MROH2A: variants seen among roughly 807,000 people sequenced by gnomAD.
The protein encoded by MROH2A is maestro heat-like repeat-containing protein family member 2A.
MROH2A carries 174 observed loss-of-function variants against 200.4 expected under a neutral mutation model. The observed-to-expected ratio is 0.87, with a 90% confidence interval of 0.77 to 0.98. The LOEUF (loss-of-function observed/expected upper bound fraction) is 0.98, where lower values mean the gene tolerates loss of function less well. Among genes scored for constraint, MROH2A ranks in the 50% least tolerant of loss-of-function variants. The pLI is 0.00. For synonymous variants in MROH2A, 829 were observed against 840.4 expected (o/e 0.99, Z 0.23); for missense variants, 2,045 against 2,139.6 (o/e 0.96, Z 0.87).
Position 233,814,585 on chromosome 2 carries a change from C to A in MROH2A, c.2764C>A (p.Leu922Met), listed in dbSNP as rs912154606. 1.0e-5 allele frequency: 16 copies of A among 1,549,994 alleles called. No homozygotes were observed. Among genetic ancestry groups the A allele is most frequent in the Admixed American group, 5.9e-5 (3 of 50,964 alleles). The change falls in exon 26 of 42, where the codon CTG becomes ATG. Residue 922 changes from leucine to methionine, a missense_variant. Physicochemically the swap from Leu to Met is conservative, Grantham distance 15. Transcript: ENST00000389758. ...PGEDNESIKT[L>M]YANALSSLEQ... is the part of the protein sequence containing the mutation. ...TCTCTCTCCCTCTTGGCTGTAGACC[C>A]TGTATGCAAATGCCCTGAGCTCCCT...
chr2:233,794,474 C>T lies in MROH2A; in HGVS notation c.934C>T (p.Gln312Ter), dbSNP rs1443307468. The part of the protein sequence containing the change: ...DYIPLLLAEY[Q>*]GSLEVLFVTQ... ...CATCCCCCTGCTGCTGGCGGAGTAC[C>T]AGGGCAGTCTGGAGGTGCTCTTCGT... is the stretch of plus-strand genomic sequence containing the variant. Residue 312 changes from glutamine to a stop codon, truncating the protein, a stop_gained, in exon 8 of 42, where the codon CAG becomes TAG. Transcript: ENST00000389758. LOFTEE classifies it high-confidence loss of function. The T allele has an allele frequency of 4.5e-6, 7 of 1,549,398 alleles. No individual in the cohort carries two copies. The South Asian group carries it at 7.1e-5, about 16-fold the overall frequency.
rs1274815160 is a variant in MROH2A at position 233,831,419 on chromosome 2, C to T, written c.4613C>T (p.Ala1538Val). The change falls in exon 39 of 42, where the codon GCT (alanine) becomes GTT (valine). Residue 1538 changes from alanine to valine, a missense_variant. Ala to Val is a moderately conservative substitution (Grantham distance 64). This residue lies in a region of MROH2A where 1,201 missense variants were observed against 1,311.3 expected (regional missense o/e 0.92). Transcript: ENST00000389758. ...PCSNAAQACM[A>V]TMFQCVHFWG... ...CCTGTGTCCCTGCAGGCCTGTATGGCTACCATGTTTCAGTGTGTGCACTTC... is the reference window on the plus strand; with the variant it reads ...CCTGTGTCCCTGCAGGCCTGTATGGTTACCATGTTTCAGTGTGTGCACTTC... 1.3e-6 allele frequency: 2 copies of T among 1,549,702 alleles called. No individual in the cohort carries two copies. The highest frequency in any genetic ancestry group is 2.7e-5 in the African/African-American group (2 of 73,050).
intron 31 of MROH2A, among the ~76,000 whole-genome samples, chr2:233,821,160 G>A (rs999778626): frequency 6.6e-6 from 1 of 152,218 alleles, no homozygotes; most frequent in African/African-American, 2.4e-5. Flanking sequence ...TCAAGGCATG[G>A]GTTAGCTGGG....
chr2:233,805,065 A>G lies in MROH2A; in HGVS notation c.2006A>G (p.Glu669Gly), dbSNP rs1337818396. The G allele has an allele frequency of 6.5e-7, 1 of 1,550,242 alleles. No individual in the cohort carries two copies. ...AGCTGGAGCCTGCGCTTGAGTAAAG[A>G]GCTGAACAACCAGATTGCGAGCTTT... ...GSSWSLRLSKELNNQIASFDS... is the reference protein window; with the variant it reads ...GSSWSLRLSKGLNNQIASFDS... Residue 669 changes from glutamate to glycine, a missense_variant, in exon 19 of 42, where the codon GAG becomes GGG. Coordinates refer to ENST00000389758, the MANE Select transcript of MROH2A (RefSeq NM_001394639.1).
chr2:233,793,109 G>A (rs376881159), intron 6 of MROH2A, among the ~76,000 whole-genome samples: 8 of 152,180 alleles, frequency 5.3e-5, no homozygotes, highest in East Asian at 1.9e-4. Flanking sequence ...AGAAGATCCC[G>A]GCTTAGAGGG....
rs764984413 is a variant in MROH2A, at chr2:233,799,738, C to A, written c.1330-42C>A. ...TGTCACAGGATTGGGTGCCTTGGAG[C>A]CCACCCCAACCCCCAGCATGTCCAC... On this transcript the variant is annotated intron_variant, in intron 12 of 41. Transcript: ENST00000389758. 4 of 1,548,206 alleles carry A rather than the reference C, an allele frequency of 2.6e-6. No individual in the cohort carries two copies. In the East Asian group the frequency reaches 9.8e-5, roughly 38 times the overall value.
intron 11 of MROH2A, among the ~76,000 whole-genome samples, chr2:233,797,414 G>A (rs1156590452): frequency 6.6e-6 from 1 of 152,178 alleles, no homozygotes; most frequent in African/African-American, 2.4e-5. Context: ...TTTTTCTGTA[G>A]GGAATTTGTG....
intron 3 of MROH2A, 115 bp downstream of exon 3, chr2:233,779,967 A>G: frequency 1.1e-6 from 1 of 885,516 alleles, no homozygotes; most frequent in South Asian, 1.8e-5. Flanking sequence ...TGGGATACAG[A>G]GATGGGCAAG....
intron 14 of MROH2A, 148 bp from the exon 15 acceptor site, chr2:233,802,020 G>A (rs10929305): frequency 0.25 from 207,018 of 839,116 alleles, 30,182 homozygotes; most frequent in African/African-American, 0.51. Flanking sequence ...TGGATTTGGC[G>A]GTGGAGCCAG....
In MROH2A at chr2:233,828,484, TTA is replaced by T; in HGVS notation, c.4114-143_4114-142del. On this transcript the variant is annotated intron_variant, in intron 35 of 41. Coordinates refer to ENST00000389758, the MANE Select transcript of MROH2A (RefSeq NM_001394639.1). The surrounding 1 kb of genome is among the most constrained non-coding windows in gnomAD (Gnocchi z 4.6). The stretch of plus-strand genomic sequence containing the variant: ...GGCAGGTACTAGCATCACCCGCTTT[TTA>T]TAGAGAGGAAACGGAGGCTCTCAGA... The T allele has an allele frequency of 1.0e-6, 1 of 996,636 alleles. No homozygotes were observed. Among genetic ancestry groups the T allele is most frequent in the Non-Finnish European group, 1.5e-6 (1 of 687,242 alleles). The allele number at this position is 996,636 out of a possible 1,614,324, so 61.7% of individuals were successfully genotyped here.
chr2:233,788,133 T>TATACA lies in MROH2A; in HGVS notation c.277-1364_277-1363insATACA, dbSNP rs1240716382. 3.8e-3 allele frequency among the ~76,000 whole-genome samples: 389 copies of TATACA among 102,682 alleles called. 1 individual carries two copies. Among genetic ancestry groups the TATACA allele is most frequent in the Non-Finnish European group, 5.6e-3 (312 of 55,518 alleles). 67.4% of individuals were successfully genotyped at this position (102,682 alleles called of 152,430 possible). On this transcript the variant is annotated intron_variant, in intron 3 of 41. Coordinates refer to ENST00000389758, the MANE Select transcript of MROH2A (RefSeq NM_001394639.1). The stretch of plus-strand genomic sequence containing the variant: ...TATATATTATATATACATATATATT[T>TATACA]TATATATATATAATATATATTTTAT...
chr2:233,824,404 G>A (rs1052117899), intron 35 of MROH2A, among the ~76,000 whole-genome samples: 3 of 152,248 alleles, frequency 2.0e-5, no homozygotes, highest in African/African-American at 7.2e-5. Flanking sequence ...TACTCACCAA[G>A]CTTTTATAGG....
At position 233,804,501 on chromosome 2, in the gene MROH2A, C is replaced by G; in HGVS notation, c.1898C>G (p.Thr633Ser). 1 of 1,551,236 alleles carries G rather than the reference C, an allele frequency of 6.4e-7. No homozygotes were observed. Among genetic ancestry groups the G allele is most frequent in the South Asian group, 1.2e-5 (1 of 84,058 alleles). Residue 633 changes from threonine to serine, a missense_variant, in exon 18 of 42, where the codon ACT becomes AGT. By Grantham distance (58) the Thr-to-Ser change is moderately conservative (BLOSUM62 1). Around this residue, in one of 3 missense-constraint regions of MROH2A, gnomAD observed 13 missense variants for 28.3 expected, o/e 0.46. Coordinates refer to ENST00000389758, the MANE Select transcript of MROH2A (RefSeq NM_001394639.1). ...CATACATGTGTTCCTGCAGAACATA[C>G]TGAGTTCACTTGGGATCAGAAAGCC... ...ALLVRYLEEH[T>S]EFTWDQKAWE...
At chr2:233,821,659 GC>G (rs1703944249) in intron 31 of MROH2A, among the ~76,000 whole-genome samples, 3 of 152,208 alleles carry the variant, frequency 2.0e-5, no homozygotes, top group Non-Finnish European at 2.9e-5. Context: ...CTGTAGTTTG[GC>G]AGGTGGCCTG....
Position 233,813,678 on chromosome 2 carries a change from A to G in MROH2A, c.2660A>G (p.Lys887Arg). 1 of 1,547,370 alleles carries G rather than the reference A, an allele frequency of 6.5e-7. No individual in the cohort carries two copies. Among genetic ancestry groups the G allele is most frequent in the Non-Finnish European group, 8.7e-7 (1 of 1,144,380 alleles). Reference sequence around the variant, plus strand: ...CACTGCTTCTTCTCCAGCAAGCTGAAGCCTTTCTACTCCACAGAGGAAAAC... The same window carrying G: ...CACTGCTTCTTCTCCAGCAAGCTGAGGCCTTTCTACTCCACAGAGGAAAAC... Reference protein sequence around the residue: ...MEALSHLSKLKPFYSTEENSE... With the variant: ...MEALSHLSKLRPFYSTEENSE... Residue 887 changes from lysine (K) to arginine (R), a missense_variant, in exon 25 of 42, where the codon AAG becomes AGG. Physicochemically the swap from Lys to Arg is conservative, Grantham distance 26. This residue lies in a region of MROH2A where 1,201 missense variants were observed against 1,311.3 expected (regional missense o/e 0.92). Coordinates refer to ENST00000389758, the MANE Select transcript of MROH2A (RefSeq NM_001394639.1).
chr2:233,801,986 C>T (rs755868220), intron 14 of MROH2A, among the ~76,000 whole-genome samples, 182 bp from the exon 15 acceptor site: 14 of 152,180 alleles, frequency 9.2e-5, no homozygotes, highest in Non-Finnish European at 2.9e-5. Context: ...GGGTGGGTGA[C>T]ACTTAAATGC....
chr2:233,792,997 T>G, intron 6 of MROH2A, 103 bp downstream of exon 6: 75 of 1,010,790 alleles, frequency 7.4e-5, no homozygotes, highest in Non-Finnish European at 1.0e-4. Context: ...AGAGGTGCAC[T>G]GTTCACTTGT....
At chr2:233,821,588 G>A (rs924106815) in intron 31 of MROH2A, among the ~76,000 whole-genome samples, 1 of 152,194 alleles carries the variant, frequency 6.6e-6, no homozygotes, top group African/African-American at 2.4e-5. Flanking sequence ...TATCCTGGGG[G>A]ACATCCCTTC....
chr2:233,814,178 AGTC>A (rs771365334), intron 25 of MROH2A, among the ~76,000 whole-genome samples: 12 of 152,196 alleles, frequency 7.9e-5, no homozygotes, highest in Non-Finnish European at 1.5e-4. Context: ...AAGACTTGAG[AGTC>A]ATTTTGCCCT....
Sources: allele counts gnomAD v4.1 joint callset (sites outside exome capture counted in the v4.1 genomes callset), GRCh38; gene constraint gnomAD v4.1.1; regional missense constraint gnomAD v4.1.1; non-coding constraint Gnocchi (gnomAD v3.1); transcripts MANE v1.5; gene names NCBI Gene and HGNC (gene_info 2026-07-23, HGNC 2026-07-21).